Variants in ULK4 observed in about 807,000 individuals in gnomAD.
ULK4 encodes the protein inactive serine/threonine-protein kinase ULK4.
ULK4 carries 133 observed loss-of-function variants against 160.6 expected under a neutral mutation model. That is an observed-to-expected ratio of 0.83 (90% confidence interval 0.72 to 0.96). The LOEUF (loss-of-function observed/expected upper bound fraction) is 0.96. ULK4 is among the 40% of genes least tolerant of loss of function. ULK4 has a pLI of 0.00. For synonymous variants in ULK4, 534 were observed against 539.8 expected (o/e 0.99, Z 0.15); for missense variants, 1,580 against 1,499.5 (o/e 1.05, Z -0.89).
intron 35 of ULK4, among the ~76,000 whole-genome samples, chr3:41,301,063 G>C (rs1462503298): frequency 6.6e-6 from 1 of 151,020 alleles, no homozygotes; most frequent in Non-Finnish European, 1.5e-5. Context: ...GCAGGACTAG[G>C]CTCAGAAAGG....
intron 35 of ULK4, among the ~76,000 whole-genome samples, chr3:41,337,935 T>G (rs1436937212): frequency 3.3e-5 from 5 of 152,192 alleles, no homozygotes; most frequent in African/African-American, 1.2e-4. Context: ...TAGCCTCGTC[T>G]CTGAAAACCA....
At chr3:41,888,570 C>A (rs902373080) in intron 16 of ULK4, among the ~76,000 whole-genome samples, 2 of 152,192 alleles carry the variant, frequency 1.3e-5, no homozygotes, top group African/African-American at 4.8e-5. Flanking sequence ...ACAATTGTGT[C>A]CTTGTACAAG....
chr3:41,268,799 G>A (rs1242051652), intron 35 of ULK4, among the ~76,000 whole-genome samples: 15 of 110,168 alleles, frequency 1.4e-4, no homozygotes, highest in East Asian at 2.6e-4. Flanking sequence ...GCAAGACTCC[G>A]TCTCACACAC....
intron 17 of ULK4, among the ~76,000 whole-genome samples, chr3:41,840,719 C>A (rs796682506): frequency 6.6e-6 from 1 of 152,214 alleles, no homozygotes; most frequent in Non-Finnish European, 1.5e-5. Context: ...GATCTCAGAT[C>A]GCCACAACCT....
At chr3:41,922,737 A>G (rs965907511) in intron 5 of ULK4, among the ~76,000 whole-genome samples, 1 of 152,170 alleles carries the variant, frequency 6.6e-6, no homozygotes, top group Admixed American at 6.5e-5. Context: ...GGAAGCGTCT[A>G]TGAGAAAAAA....
intron 32 of ULK4, among the ~76,000 whole-genome samples, chr3:41,502,864 T>C (rs537181404): frequency 1.3e-5 from 2 of 152,332 alleles, no homozygotes; most frequent in South Asian, 4.1e-4. Context: ...ATTATGGTGA[T>C]GGCTTCACAA....
intron 35 of ULK4, among the ~76,000 whole-genome samples, chr3:41,315,408 AG>A (rs1245870839): frequency 4.6e-5 from 7 of 152,220 alleles, no homozygotes; most frequent in African/African-American, 1.7e-4. Flanking sequence ...ATGGTGTTCC[AG>A]GCTTCTGGAA....
At chr3:41,948,822 T>C (rs1462787364) in intron 2 of ULK4, among the ~76,000 whole-genome samples, 1 of 151,216 alleles carries the variant, frequency 6.6e-6, no homozygotes, top group African/African-American at 2.4e-5. Context: ...ACATACTCAA[T>C]GGTGAAAGAG....
At chr3:41,913,091 A>C in intron 8 of ULK4, 192 bp from the exon 9 acceptor site, 1 of 559,550 alleles carries the variant, frequency 1.8e-6, no homozygotes, top group Non-Finnish European at 3.1e-6. Flanking sequence ...GAAACAATTC[A>C]GAAGCATTAA....
intron 30 of ULK4, among the ~76,000 whole-genome samples, chr3:41,658,093 C>A (rs1266129752): frequency 6.6e-6 from 1 of 152,098 alleles, no homozygotes; most frequent in African/African-American, 2.4e-5. Flanking sequence ...AAGACTTAAT[C>A]GTCACATAAG....
At position 41,681,600 on chromosome 3, in the gene ULK4, G is replaced by C; in HGVS notation, c.2886C>G (p.Leu962=). Residue 962 remains leucine, a synonymous_variant, in exon 29 of 37, where the codon CTC becomes CTG. Coordinates refer to ENST00000301831, the MANE Select transcript of ULK4 (RefSeq NM_017886.4). ...TGCCATCCCCAAACTCCTGGTTCAC[G>C]AGTAGAGATGTGGTTTCTGAGAGCA... ...LRLLSETTSL[L]VNQEFGDGKE... The C allele has an allele frequency of 1.2e-6, 2 of 1,613,902 alleles. No homozygotes were observed. The highest frequency in any genetic ancestry group is 1.7e-6 in the Non-Finnish European group (2 of 1,179,968).
intron 35 of ULK4, among the ~76,000 whole-genome samples, chr3:41,268,871 G>A (rs1002161044): frequency 1.8e-4 from 26 of 145,678 alleles, no homozygotes; most frequent in African/African-American, 5.6e-4. Context: ...AAGTAAAGAC[G>A]CAGCTCTTCA....
chr3:41,390,105 T>A (rs2125805866), intron 35 of ULK4, among the ~76,000 whole-genome samples: 1 of 152,192 alleles, frequency 6.6e-6, no homozygotes, highest in African/African-American at 2.4e-5. Context: ...TCTTGGGAGG[T>A]GTATGTGTCG....
intron 34 of ULK4, among the ~76,000 whole-genome samples, chr3:41,453,299 C>A (rs6794927): frequency 1.3e-5 from 2 of 151,968 alleles, no homozygotes; most frequent in African/African-American, 4.8e-5. Context: ...CCTCAGCCTC[C>A]CAAGTAGCTA....
At chr3:41,773,325 T>G (rs564086667) in intron 21 of ULK4, among the ~76,000 whole-genome samples, 1 of 152,136 alleles carries the variant, frequency 6.6e-6, no homozygotes, top group East Asian at 1.9e-4. Context: ...GAAAACCCCA[T>G]TGTCTCAGCC....
intron 30 of ULK4, among the ~76,000 whole-genome samples, chr3:41,662,197 C>A (rs149671608): frequency 1.2e-4 from 18 of 152,264 alleles, no homozygotes; most frequent in African/African-American, 4.3e-4. Flanking sequence ...ATTTGGAAGG[C>A]TCATTGCTCA....
At chr3:41,796,242 G>A (rs1327296977) in intron 20 of ULK4, among the ~76,000 whole-genome samples, 1 of 152,218 alleles carries the variant, frequency 6.6e-6, no homozygotes, top group Admixed American at 6.5e-5. Context: ...AGTATATTGA[G>A]AATAATGAGA....
At chr3:41,482,185 G>T (rs2084352337) in intron 32 of ULK4, among the ~76,000 whole-genome samples, 1 of 152,100 alleles carries the variant, frequency 6.6e-6, no homozygotes, top group Non-Finnish European at 1.5e-5. Context: ...CCCCTTTCTG[G>T]TAACACAGGT....
At chr3:41,288,182 A>G (rs554956541) in intron 35 of ULK4, among the ~76,000 whole-genome samples, 40 of 152,260 alleles carry the variant, frequency 2.6e-4, no homozygotes, top group African/African-American at 8.7e-4. Context: ...AAAATTTGAA[A>G]TACAGCAAGT....
Sources: allele counts gnomAD v4.1 joint callset (sites outside exome capture counted in the v4.1 genomes callset), GRCh38; gene constraint gnomAD v4.1.1; transcripts MANE v1.5; gene names NCBI Gene and HGNC (gene_info 2026-07-23, HGNC 2026-07-21).